Variants in C8orf34 observed in about 807,000 individuals in gnomAD.
C8orf34 encodes the protein chromosome 8 open reading frame 34.
Under a neutral mutation model 68.3 loss-of-function variants are expected in C8orf34, and 65 were observed. The ratio of observed to expected loss-of-function variants is 0.95; its 90% CI spans 0.78 to 1.17. The LOEUF is 1.17. Ranked by LOEUF, C8orf34 falls within the 50% of genes most tolerant of loss-of-function variation. C8orf34 has a pLI of 0.00. For missense variants in C8orf34, 664 were observed against 655.4 expected, an observed-to-expected ratio of 1.01 and a Z score of -0.14; for synonymous variants, 244 against 241.2, an observed-to-expected ratio of 1.01 and a Z score of -0.11.
intron 1 of C8orf34, among the ~76,000 whole-genome samples, chr8:68,370,868 A>T (rs1262576485): frequency 6.6e-6 from 1 of 152,188 alleles, no homozygotes; most frequent in East Asian, 1.9e-4. Context: ...TATTTCCCAG[A>T]TTTAAGTCAA....
At chr8:68,795,116 T>C (rs190406906) in intron 12 of C8orf34, among the ~76,000 whole-genome samples, 2 of 152,338 alleles carry the variant, frequency 1.3e-5, no homozygotes, top group African/African-American at 4.8e-5. Context: ...TGGATTTTTA[T>C]TTCCATTTCA....
chr8:68,706,801 G>A (rs1437381444), intron 8 of C8orf34, among the ~76,000 whole-genome samples: 1 of 152,164 alleles, frequency 6.6e-6, no homozygotes, highest in Non-Finnish European at 1.5e-5. Flanking sequence ...CCAAGTTGTT[G>A]CAGGCAGAGA....
At chr8:68,815,047 C>T (rs1284463355) in intron 12 of C8orf34, among the ~76,000 whole-genome samples, 1 of 152,126 alleles carries the variant, frequency 6.6e-6, no homozygotes, top group Non-Finnish European at 1.5e-5. Context: ...TCTAGATTAA[C>T]ATCTTGTAGG....
intron 9 of C8orf34, among the ~76,000 whole-genome samples, chr8:68,711,928 G>C (rs1265659114): frequency 6.6e-6 from 1 of 152,172 alleles, no homozygotes; most frequent in African/African-American, 2.4e-5. Flanking sequence ...CTTAAGAGCT[G>C]TGAGGCAAAA....
intron 10 of C8orf34, among the ~76,000 whole-genome samples, chr8:68,737,308 T>G (rs1822148972): frequency 6.6e-6 from 1 of 152,134 alleles, no homozygotes; most frequent in Non-Finnish European, 1.5e-5. Context: ...CAGGCATTTA[T>G]CACTTGTTCT....
At chr8:68,642,891 G>A (rs539210000) in intron 8 of C8orf34, among the ~76,000 whole-genome samples, 14 of 152,306 alleles carry the variant, frequency 9.2e-5, no homozygotes, top group African/African-American at 3.1e-4. Flanking sequence ...TTCTCATAAG[G>A]AGCAAGCAAC....
intron 1 of C8orf34, among the ~76,000 whole-genome samples, chr8:68,356,334 A>G (rs1437303985): frequency 6.6e-6 from 1 of 152,120 alleles, no homozygotes; most frequent in Admixed American, 6.6e-5. Context: ...CTTCATTTAC[A>G]CCAATTGGTA....
intron 1 of C8orf34, among the ~76,000 whole-genome samples, chr8:68,362,622 C>A (rs892093118): frequency 1.3e-5 from 2 of 152,186 alleles, no homozygotes; most frequent in African/African-American, 4.8e-5. Flanking sequence ...AGGCACCCCC[C>A]AGCAGGGGCA....
chr8:68,734,533 T>C (rs183356181), intron 10 of C8orf34, among the ~76,000 whole-genome samples: 110 of 152,318 alleles, frequency 7.2e-4, no homozygotes, highest in Non-Finnish European at 8.7e-4. Flanking sequence ...TGTAGTCTTT[T>C]CTATTCCCAA....
chr8:68,645,373 T>TC (rs1227754207), intron 8 of C8orf34, among the ~76,000 whole-genome samples: 1 of 152,192 alleles, frequency 6.6e-6, no homozygotes, highest in African/African-American at 2.4e-5. Context: ...GAGCTTTTTT[T>TC]CCTCATCTTT....
intron 7 of C8orf34, among the ~76,000 whole-genome samples, chr8:68,609,468 G>T (rs1817948417): frequency 6.6e-6 from 1 of 152,144 alleles, no homozygotes; most frequent in South Asian, 2.1e-4. Context: ...AATTCACAAA[G>T]AGCTACAAGG....
rs113078509 is a variant in C8orf34 at position 68,781,583 on chromosome 8, T to C, written c.1455+5134T>C. On this transcript the variant is annotated intron_variant, in intron 11 of 13. Coordinates refer to ENST00000518698, the MANE Select transcript of C8orf34 (RefSeq NM_052958.4). Reference sequence around the variant, plus strand: ...GAGGGACACGTCAGCTTTTGTATTTTAAAATGTTCAAGATTTTAGCTCTTT... The same window carrying C: ...GAGGGACACGTCAGCTTTTGTATTTCAAAATGTTCAAGATTTTAGCTCTTT... Among the ~76,000 whole-genome samples the C allele has an allele frequency of 3.9e-3, 596 of 152,296 alleles. 6 individuals are homozygous for C. Among genetic ancestry groups the C allele is most frequent in the African/African-American group, 0.013 (524 of 41,574 alleles).
At position 68,630,967 on chromosome 8, in the gene C8orf34, T is replaced by TTTTAA. The variant is rs34850011; in HGVS notation, c.1106-9409_1106-9408insTTTAA. On this transcript the variant is annotated intron_variant, in intron 7 of 13. Coordinates refer to ENST00000518698, the MANE Select transcript of C8orf34 (RefSeq NM_052958.4). ...GCTATTTTTTTTTTTTTTTTTTTTT[T>TTTTAA]AAAAAACAGGGCCCCAGCCAAGGTT... Among the ~76,000 whole-genome samples the TTTTAA allele has an allele frequency of 2.2e-3, 303 of 137,170 alleles. 2 individuals are homozygous for TTTTAA. The highest frequency in any genetic ancestry group is 8.0e-3 in the African/African-American group (279 of 34,892). 90.0% of individuals were successfully genotyped at this position (137,170 alleles called of 152,430 possible).
intron 10 of C8orf34, among the ~76,000 whole-genome samples, chr8:68,752,957 T>C (rs1054865858): frequency 2.6e-5 from 4 of 152,180 alleles, no homozygotes; most frequent in Non-Finnish European, 5.9e-5. Context: ...AAACCATCCA[T>C]ATATTTGTAG....
chr8:68,767,375 C>G (rs1175714763), intron 10 of C8orf34, among the ~76,000 whole-genome samples: 2 of 152,126 alleles, frequency 1.3e-5, no homozygotes, highest in East Asian at 1.9e-4. Flanking sequence ...CAAAGTTAAC[C>G]TTGCCAACTT....
chr8:68,702,860 C>T (rs1294036076), intron 8 of C8orf34, among the ~76,000 whole-genome samples: 1 of 152,026 alleles, frequency 6.6e-6, no homozygotes, highest in African/African-American at 2.4e-5. Flanking sequence ...TTTAAAACTC[C>T]CTCCTCATTA....
chr8:68,399,249 T>C (rs1001472546), intron 1 of C8orf34, among the ~76,000 whole-genome samples: 31 of 152,122 alleles, frequency 2.0e-4, no homozygotes, highest in Admixed American at 4.6e-4. Context: ...AGGGCTTTTA[T>C]ATATCTGTCA....
intron 5 of C8orf34, among the ~76,000 whole-genome samples, chr8:68,506,353 A>G (rs551861422): frequency 6.6e-6 from 1 of 152,280 alleles, no homozygotes; most frequent in South Asian, 2.1e-4. Context: ...CTTCTCATAG[A>G]TTTAATTAGT....
intron 1 of C8orf34, among the ~76,000 whole-genome samples, chr8:68,431,177 A>G (rs968202365): frequency 6.6e-6 from 1 of 152,156 alleles, no homozygotes; most frequent in Non-Finnish European, 1.5e-5. Context: ...GCATGGAATC[A>G]AACTTAGGTC....
Sources: allele counts gnomAD v4.1 joint callset (sites outside exome capture counted in the v4.1 genomes callset), GRCh38; gene constraint gnomAD v4.1.1; transcripts MANE v1.5; gene names NCBI Gene and HGNC (gene_info 2026-07-23, HGNC 2026-07-21).